FAM135B: variants seen among roughly 807,000 people sequenced by gnomAD.
The protein encoded by FAM135B is protein FAM135B.
A neutral mutation model predicts 127.7 loss-of-function variants in FAM135B; 43 were observed. The observed-to-expected ratio is 0.34, with a 90% CI of 0.26 to 0.43. The LOEUF (loss-of-function observed/expected upper bound fraction) is 0.43, where lower values mean the gene tolerates loss of function less well. Ranked by LOEUF, FAM135B falls within the 20% of genes least tolerant of loss-of-function variation. The probability of loss-of-function intolerance (pLI) is 1.00; values close to 1 mark genes in which losing one functional copy is unlikely to be tolerated. For synonymous variants in FAM135B, 670 were observed against 665.1 expected (o/e 1.01, Z -0.11); for missense variants, 1,558 against 1,725.6 (o/e 0.90, Z 1.72).
chr8:138,271,470 C>T (rs572048659), intron 3 of FAM135B, among the ~76,000 whole-genome samples: 3 of 152,246 alleles, frequency 2.0e-5, no homozygotes, highest in African/African-American at 7.2e-5. Flanking sequence ...TAATCACCTG[C>T]TATGCACTAG....
rs753565189 is a variant in FAM135B at position 138,151,988 on chromosome 8, C to T, written c.2487G>A (p.Leu829=). The change falls in exon 13 of 20, where the codon CTG becomes CTA. Residue 829 remains leucine (L), a synonymous_variant. Coordinates refer to ENST00000395297, the MANE Select transcript of FAM135B (RefSeq NM_015912.4). The part of the protein sequence containing the change: ...SGTDAGADHP[L]VEIVLDADNQ... ...TGTCAGCATCTAAAACTATCTCCAC[C>T]AGGGGATGGTCTGCTCCAGCATCTG... 6.2e-7 allele frequency: 1 copy of T among 1,614,034 alleles called. No individual in the cohort carries two copies. The highest frequency in any genetic ancestry group is 2.2e-5 in the East Asian group (1 of 44,844).
intron 1 of FAM135B, among the ~76,000 whole-genome samples, chr8:138,469,955 A>T (rs1837590364): frequency 6.6e-6 from 1 of 152,216 alleles, no homozygotes; most frequent in South Asian, 2.1e-4. Context: ...TTAACTCAAC[A>T]CCTTGGATGT....
chr8:138,464,056 G>T (rs1432354471), intron 1 of FAM135B, among the ~76,000 whole-genome samples: 1 of 152,148 alleles, frequency 6.6e-6, no homozygotes, highest in African/African-American at 2.4e-5. Flanking sequence ...GTAAATGTCC[G>T]TATTCACTCA....
intron 3 of FAM135B, among the ~76,000 whole-genome samples, chr8:138,299,792 T>C (rs1436800112): frequency 6.6e-6 from 1 of 152,074 alleles, no homozygotes; most frequent in African/African-American, 2.4e-5. Context: ...AAATCACAAA[T>C]GCTTATGAAT....
At chr8:138,329,903 G>C (rs989881575) in intron 2 of FAM135B, among the ~76,000 whole-genome samples, 2 of 152,172 alleles carry the variant, frequency 1.3e-5, no homozygotes, top group African/African-American at 2.4e-5. Flanking sequence ...TTAACGAATT[G>C]AATAGAAGGG....
chr8:138,212,142 G>A (rs1185528135), intron 7 of FAM135B, among the ~76,000 whole-genome samples: 2 of 152,224 alleles, frequency 1.3e-5, no homozygotes, highest in Non-Finnish European at 2.9e-5. Flanking sequence ...AACTAGGGCA[G>A]ATAATGTAAC....
At chr8:138,325,367 C>G (rs1827732557) in intron 2 of FAM135B, among the ~76,000 whole-genome samples, 1 of 152,114 alleles carries the variant, frequency 6.6e-6, no homozygotes, top group African/African-American at 2.4e-5. Flanking sequence ...GGACAAACAT[C>G]ATAAATCTTT....
intron 2 of FAM135B, among the ~76,000 whole-genome samples, chr8:138,358,067 A>C (rs933781389): frequency 2.6e-5 from 4 of 152,166 alleles, no homozygotes; most frequent in African/African-American, 9.7e-5. Context: ...CTTACCTGGC[A>C]GCAGGCAAGA....
chr8:138,372,143 T>C (rs1276263837), intron 1 of FAM135B, among the ~76,000 whole-genome samples: 2 of 152,232 alleles, frequency 1.3e-5, no homozygotes, highest in African/African-American at 4.8e-5. Flanking sequence ...AGTGCAGATC[T>C]GTTCTGTTCA....
intron 2 of FAM135B, among the ~76,000 whole-genome samples, chr8:138,349,700 G>C (rs1829652759): frequency 6.6e-6 from 1 of 152,204 alleles, no homozygotes; most frequent in South Asian, 2.1e-4. Context: ...TGTGAGGATA[G>C]ATGGATGGAC....
At chr8:138,189,887 A>G (rs778571945) in intron 9 of FAM135B, among the ~76,000 whole-genome samples, 1 of 152,188 alleles carries the variant, frequency 6.6e-6, no homozygotes, top group African/African-American at 2.4e-5. Flanking sequence ...GATGCGGGAG[A>G]ACAATTGTTT....
intron 1 of FAM135B, among the ~76,000 whole-genome samples, chr8:138,417,685 G>C (rs574368601): frequency 6.6e-6 from 1 of 152,312 alleles, no homozygotes; most frequent in Non-Finnish European, 1.5e-5. Context: ...ACCACAGTTA[G>C]TGCACACAGC....
At chr8:138,449,236 A>G (rs1165676582) in intron 1 of FAM135B, among the ~76,000 whole-genome samples, 1 of 152,180 alleles carries the variant, frequency 6.6e-6, no homozygotes, top group Non-Finnish European at 1.5e-5. Flanking sequence ...TGTATTAAGT[A>G]GAATAAAAGA....
chr8:138,189,121 G>A (rs1234661830), intron 9 of FAM135B, among the ~76,000 whole-genome samples: 1 of 152,174 alleles, frequency 6.6e-6, no homozygotes, highest in Non-Finnish European at 1.5e-5. Context: ...GAGGAGAAGA[G>A]GAGAAGCAGC....
At position 138,162,234 on chromosome 8, in the gene FAM135B, G is replaced by A. The variant is rs966978792; in HGVS notation, c.1258+5661C>T. On this transcript the variant is annotated intron_variant, in intron 12 of 19. Coordinates refer to ENST00000395297, the MANE Select transcript of FAM135B (RefSeq NM_015912.4). ...CTATCTCTTCTGCCAAAATAATGTG[G>A]ACTATGGCAAACCTATGAAGATAGT... 3.9e-5 allele frequency among the ~76,000 whole-genome samples: 6 copies of A among 152,138 alleles called. No individual in the cohort carries two copies. In the East Asian group the frequency reaches 5.8e-4, roughly 15 times the overall value.
At chr8:138,390,234 C>T (rs1832467930) in intron 1 of FAM135B, among the ~76,000 whole-genome samples, 2 of 152,126 alleles carry the variant, frequency 1.3e-5, no homozygotes, top group Non-Finnish European at 2.9e-5. Flanking sequence ...AATTGTAGCT[C>T]CCATAACTCC....
At chr8:138,495,880 A>C (rs1415690647) in intron 1 of FAM135B, among the ~76,000 whole-genome samples, 1 of 152,194 alleles carries the variant, frequency 6.6e-6, no homozygotes, top group African/African-American at 2.4e-5. Context: ...CGGTGTCTCC[A>C]GCTGTCTGAA....
chr8:138,391,940 AG>A (rs1472589776), intron 1 of FAM135B, among the ~76,000 whole-genome samples: 3 of 152,176 alleles, frequency 2.0e-5, no homozygotes, highest in African/African-American at 4.8e-5. Context: ...TCTGGTCTCC[AG>A]GTAAGTAAAC....
chr8:138,477,891 T>A (rs1814583604), intron 1 of FAM135B, among the ~76,000 whole-genome samples: 1 of 152,148 alleles, frequency 6.6e-6, no homozygotes, highest in Non-Finnish European at 1.5e-5. Context: ...TGTCTGATTA[T>A]AGAGCAGAGA....
Sources: allele counts gnomAD v4.1 joint callset (sites outside exome capture counted in the v4.1 genomes callset), GRCh38; gene constraint gnomAD v4.1.1; transcripts MANE v1.5; gene names NCBI Gene and HGNC (gene_info 2026-07-23, HGNC 2026-07-21).